Variants in DGKI observed in about 807,000 individuals in gnomAD.
DGKI encodes the protein DAG kinase iota.
Under a neutral mutation model 147.5 loss-of-function variants are expected in DGKI, and 55 were observed. The ratio of observed to expected loss-of-function variants is 0.37; its 90% CI spans 0.30 to 0.47. The LOEUF is 0.47. DGKI is among the 20% of genes least tolerant of loss of function. The probability of loss-of-function intolerance (pLI) is 1.00; values close to 1 mark genes in which losing one functional copy is unlikely to be tolerated. For missense variants in DGKI, 1,007 were observed against 1,323.8 expected (o/e 0.76, Z 3.71); for synonymous variants, 469 against 477.1 (o/e 0.98, Z 0.22).
rs561228319 is a variant in DGKI at position 137,508,361 on chromosome 7, G to A, written c.2248+13505C>T. Among the ~76,000 whole-genome samples the A allele has an allele frequency of 5.0e-4, 76 of 151,610 alleles. No individual in the cohort carries two copies. In the South Asian group the frequency reaches 0.01, roughly 20 times the overall value. The stretch of plus-strand genomic sequence containing the variant: ...CCTGCCTCAGCCTCCTGCGTAGCTG[G>A]GACTACAGGCACCCACCACCATGTC... On this transcript the variant is annotated intron_variant, in intron 21 of 32. Transcript: ENST00000614521.
intron 12 of DGKI, among the ~76,000 whole-genome samples, chr7:137,591,679 C>T (rs1819623822): frequency 1.3e-5 from 2 of 152,138 alleles, no homozygotes; most frequent in South Asian, 2.1e-4. Flanking sequence ...ATAATAATGC[C>T]TGACTTTTAG....
At chr7:137,783,436 G>T (rs1796580143) in intron 1 of DGKI, among the ~76,000 whole-genome samples, 1 of 152,072 alleles carries the variant, frequency 6.6e-6, no homozygotes, top group Admixed American at 6.6e-5. Context: ...AAAGAAAAAA[G>T]AATTTTAAAA....
Position 137,544,403 on chromosome 7 carries a change from T to C in DGKI, c.2147+7966A>G, listed in dbSNP as rs369303047. On this transcript the variant is annotated intron_variant, in intron 20 of 32. Coordinates refer to ENST00000614521, the MANE Select transcript of DGKI (RefSeq NM_001321708.2). Reference sequence around the variant, plus strand: ...CATTCAGTTTGGCAATTGAATGTCATTTTCCTATTGATTCTTTGACTGCTC... The same window carrying C: ...CATTCAGTTTGGCAATTGAATGTCACTTTCCTATTGATTCTTTGACTGCTC... Among the ~76,000 whole-genome samples, 6 of 152,310 alleles carry C rather than the reference T, an allele frequency of 3.9e-5. No homozygotes were observed. In the East Asian group the frequency reaches 7.7e-4, roughly 20 times the overall value.
intron 10 of DGKI, among the ~76,000 whole-genome samples, chr7:137,605,411 A>G (rs985665865): frequency 6.6e-6 from 1 of 151,496 alleles, no homozygotes; most frequent in Non-Finnish European, 1.5e-5. Context: ...GATTCCTCAA[A>G]TAAGTCAAAT....
intron 25 of DGKI, among the ~76,000 whole-genome samples, chr7:137,466,318 C>A (rs1814656869): frequency 6.6e-6 from 1 of 152,214 alleles, no homozygotes; most frequent in East Asian, 1.9e-4. Context: ...AGAAGTGACA[C>A]CCACATACAA....
chr7:137,593,195 C>T (rs1819674082), intron 12 of DGKI, among the ~76,000 whole-genome samples: 2 of 152,082 alleles, frequency 1.3e-5, no homozygotes, highest in African/African-American at 4.8e-5. Context: ...GGTGGACTTG[C>T]AGATCCAGCC....
At chr7:137,713,472 A>C (rs2116576872) in intron 1 of DGKI, among the ~76,000 whole-genome samples, 1 of 152,330 alleles carries the variant, frequency 6.6e-6, no homozygotes, top group East Asian at 1.9e-4. Flanking sequence ...CCATCCAATA[A>C]ATGAAATGAG....
intron 27 of DGKI, among the ~76,000 whole-genome samples, chr7:137,452,448 C>T (rs894564726): frequency 6.6e-6 from 1 of 152,162 alleles, no homozygotes; most frequent in Non-Finnish European, 1.5e-5. Flanking sequence ...ACACCGTGCT[C>T]CTTCTACACC....
At chr7:137,477,111 G>A (rs1387960641) in intron 23 of DGKI, among the ~76,000 whole-genome samples, 1 of 152,076 alleles carries the variant, frequency 6.6e-6, no homozygotes, top group Non-Finnish European at 1.5e-5. Context: ...GTTTGCTCCT[G>A]GTAGCTCAGA....
intron 23 of DGKI, among the ~76,000 whole-genome samples, chr7:137,476,805 C>T (rs1177268127): frequency 6.6e-6 from 1 of 152,196 alleles, no homozygotes; most frequent in Non-Finnish European, 1.5e-5. Context: ...AAGTAAACTA[C>T]CCAGAAGCCC....
chr7:137,795,093 TA>T (rs1398829744), intron 1 of DGKI, among the ~76,000 whole-genome samples: 39 of 152,276 alleles, frequency 2.6e-4, no homozygotes, highest in Admixed American at 6.5e-4. Context: ...TCCCTGAAAG[TA>T]TGAGAGCAGT....
intron 24 of DGKI, among the ~76,000 whole-genome samples, chr7:137,469,136 A>C (rs1408505432): frequency 3.3e-5 from 5 of 152,232 alleles, no homozygotes; most frequent in African/African-American, 1.2e-4. Flanking sequence ...AAATGTATAC[A>C]TCATACTGCA....
intron 27 of DGKI, among the ~76,000 whole-genome samples, chr7:137,460,248 C>T (rs1268218243): frequency 6.6e-6 from 1 of 152,060 alleles, no homozygotes; most frequent in Non-Finnish European, 1.5e-5. Flanking sequence ...TTTGCATTAT[C>T]GAGTAAGCTG....
chr7:137,603,655 T>C (rs1585276016), intron 10 of DGKI, among the ~76,000 whole-genome samples: 1 of 152,188 alleles, frequency 6.6e-6, no homozygotes, highest in East Asian at 1.9e-4. Context: ...GAGGAAACAC[T>C]CTTAAGCCCA....
At chr7:137,798,357 T>C (rs894710344) in intron 1 of DGKI, among the ~76,000 whole-genome samples, 4 of 152,218 alleles carry the variant, frequency 2.6e-5, no homozygotes, top group Non-Finnish European at 4.4e-5. Context: ...AGTATTATCA[T>C]GATCTTAAAA....
intron 19 of DGKI, among the ~76,000 whole-genome samples, chr7:137,563,470 G>C (rs976571322): frequency 6.6e-6 from 1 of 151,776 alleles, no homozygotes; most frequent in South Asian, 2.1e-4. Flanking sequence ...AAATGGAAAG[G>C]CATGTAAGGA....
chr7:137,480,421 G>T (rs773707324), intron 23 of DGKI, among the ~76,000 whole-genome samples: 1 of 152,116 alleles, frequency 6.6e-6, no homozygotes, highest in African/African-American at 2.4e-5. Context: ...AGGACAGCCA[G>T]AATAAAGAGA....
chr7:137,682,610 T>C (rs1268622330), intron 2 of DGKI, among the ~76,000 whole-genome samples: 1 of 152,236 alleles, frequency 6.6e-6, no homozygotes, highest in Non-Finnish European at 1.5e-5. Context: ...CTCTCCTTGG[T>C]CTTTGTGGCC....
intron 20 of DGKI, among the ~76,000 whole-genome samples, chr7:137,523,422 TTC>T (rs899146634): frequency 6.7e-6 from 1 of 148,422 alleles, no homozygotes; most frequent in African/African-American, 2.6e-5. Context: ...ACATGGTGCA[TTC>T]TCTCTCTCTT....
Sources: gnomAD v4.1 joint callset for allele counts (sites outside exome capture counted in the v4.1 genomes callset) on GRCh38, gnomAD v4.1.1 for gene constraint, MANE v1.5 for transcripts, NCBI Gene and HGNC (gene_info 2026-07-23, HGNC 2026-07-21) for gene names.